Variants in LRTM3 observed in about 807,000 individuals in gnomAD.
LRTM3 encodes the protein leucine-rich repeat transmembrane protein 3.
At chr13:102,743,155 T>C in the LRTM3 span, 9 of 1,550,522 alleles carry the variant, frequency 5.8e-6, no homozygotes, top group African/African-American at 1.1e-4. Context: ...CTTGCTTCTC[T>C]TCCCCACTTT....
At chr13:102,740,488 C>A in the LRTM3 span, 1 of 1,549,962 alleles carries the variant, frequency 6.5e-7, no homozygotes, top group Non-Finnish European at 8.7e-7. Context: ...ATATATGCTC[C>A]CAAAAGTTCT....
At chr13:102,749,797 T>C in the LRTM3 span, 3 of 1,551,408 alleles carry the variant, frequency 1.9e-6, no homozygotes, top group Non-Finnish European at 2.6e-6. Flanking sequence ...CATTTTGTCC[T>C]GGAAAAGAAT....
the LRTM3 span, chr13:102,737,708 T>C: frequency 5.2e-6 from 8 of 1,550,906 alleles, no homozygotes; most frequent in Non-Finnish European, 7.0e-6. Flanking sequence ...ATCTTTTGCT[T>C]TTTGTACTTC....
At chr13:102,756,685 A>C in the LRTM3 span, among the ~76,000 whole-genome samples, 7 of 115,346 alleles carry the variant, frequency 6.1e-5, no homozygotes, top group East Asian at 8.7e-4. Flanking sequence ...AAAAAAAAAA[A>C]AAAAAAAAAA....
the LRTM3 span, chr13:102,741,068 T>C: frequency 1.3e-6 from 2 of 1,549,970 alleles, no homozygotes; most frequent in Non-Finnish European, 1.7e-6. Context: ...TGAGCCTTCT[T>C]TCTTGGGATT....
At chr13:102,755,726 A>G in the LRTM3 span, among the ~76,000 whole-genome samples, 7 of 151,526 alleles carry the variant, frequency 4.6e-5, no homozygotes, top group Non-Finnish European at 7.4e-5. Context: ...ACGTATCCCT[A>G]TGTAACAAAC....
At chr13:102,757,418 C>A in the LRTM3 span, among the ~76,000 whole-genome samples, 1 of 152,150 alleles carries the variant, frequency 6.6e-6, no homozygotes, top group East Asian at 1.9e-4. Context: ...TGTGTAACCA[C>A]CAGTAGTGGT....
the LRTM3 span, among the ~76,000 whole-genome samples, chr13:102,756,892 G>C: frequency 6.6e-6 from 1 of 151,974 alleles, no homozygotes; most frequent in Non-Finnish European, 1.5e-5. Context: ...GCCACCCGAG[G>C]ATTAACTTCT....
chr13:102,733,928 G>A, the LRTM3 span: 1 of 1,551,166 alleles, frequency 6.4e-7, no homozygotes, highest in East Asian at 2.4e-5. Flanking sequence ...GGTATTTGAG[G>A]GTACATGGAG....
At chr13:102,743,523 A>T in the LRTM3 span, 1 of 1,548,978 alleles carries the variant, frequency 6.5e-7, no homozygotes, top group African/African-American at 1.4e-5. Context: ...ATAGTTAAAC[A>T]TTTGGGATTC....
At chr13:102,738,659 T>C in the LRTM3 span, 2 of 1,550,552 alleles carry the variant, frequency 1.3e-6, no homozygotes, top group Non-Finnish European at 1.7e-6. Context: ...TGCTGTTTTC[T>C]CTGTATCTGA....
At chr13:102,747,067 T>C in the LRTM3 span, 1 of 1,551,226 alleles carries the variant, frequency 6.4e-7, no homozygotes, top group Non-Finnish European at 8.7e-7. Context: ...GGACTGCTTT[T>C]GGTAGAGTTT....
the LRTM3 span, chr13:102,732,919 A>T: frequency 6.4e-7 from 1 of 1,551,430 alleles, no homozygotes; most frequent in Non-Finnish European, 8.7e-7. Flanking sequence ...GAAATTGAAA[A>T]GTCCAGGGAG....
the LRTM3 span, among the ~76,000 whole-genome samples, chr13:102,756,423 A>T: frequency 1.3e-5 from 2 of 151,756 alleles, no homozygotes; most frequent in African/African-American, 2.4e-5. Flanking sequence ...CTGTAATCCC[A>T]GCACTTTGAG....
At chr13:102,758,101 T>A in the LRTM3 span, among the ~76,000 whole-genome samples, 2 of 152,202 alleles carry the variant, frequency 1.3e-5, no homozygotes, top group Non-Finnish European at 2.9e-5. Context: ...ATCTTTTCAG[T>A]TGAAATATAA....
chr13:102,730,933 A>C, the LRTM3 span: 1 of 1,551,378 alleles, frequency 6.4e-7, no homozygotes, highest in Non-Finnish European at 8.7e-7. Context: ...CAGGATGAAT[A>C]CAGTTAGATA....
chr13:102,745,731 AG>A, the LRTM3 span: 1 of 1,551,172 alleles, frequency 6.4e-7, no homozygotes, highest in Non-Finnish European at 8.7e-7. Flanking sequence ...GAATCAGATG[AG>A]ATACCACCTT....
At chr13:102,748,186 C>T in the LRTM3 span, 28 of 1,551,006 alleles carry the variant, frequency 1.8e-5, no homozygotes, top group African/African-American at 4.1e-5. Context: ...ATGCATCAGA[C>T]GTTTCTTTAT....
the LRTM3 span, chr13:102,738,602 G>A: frequency 6.5e-7 from 1 of 1,550,036 alleles, no homozygotes; most frequent in Non-Finnish European, 8.7e-7. Flanking sequence ...AGATTCTAGG[G>A]CCTTTTTTAC....
Sources: gnomAD v4.1 joint callset for allele counts (sites outside exome capture counted in the v4.1 genomes callset) on GRCh38, gnomAD v4.1.1 for gene constraint, MANE v1.5 for transcripts, NCBI Gene and HGNC (gene_info 2026-07-23, HGNC 2026-07-21) for gene names.